Variants in EP300 observed in about 807,000 individuals in gnomAD.
EP300 encodes EP300 lysine acetyltransferase, also known as histone acetyltransferase p300.
Under a neutral mutation model 264.0 loss-of-function variants are expected in EP300, and 31 were observed. The observed-to-expected ratio is 0.12, with a 90% CI of 0.09 to 0.16. The LOEUF is 0.16. Among genes scored for constraint, EP300 ranks in the 10% least tolerant of loss-of-function variants. The pLI is 1.00. For missense variants in EP300, 2,766 were observed against 3,052.9 expected (o/e 0.91, Z 2.21); for synonymous variants, 1,340 against 1,045.4 (o/e 1.28, Z -5.44).
intron 8 of EP300, among the ~76,000 whole-genome samples, chr22:41,138,868 A>G (rs974467123): frequency 3.9e-5 from 6 of 152,158 alleles, no homozygotes; most frequent in Non-Finnish European, 7.4e-5. Flanking sequence ...TCAAACTACC[A>G]ATTATATACG....
chr22:41,114,397 G>A (rs2058810259), intron 1 of EP300, among the ~76,000 whole-genome samples: 1 of 152,118 alleles, frequency 6.6e-6, no homozygotes, highest in South Asian at 2.1e-4. Flanking sequence ...TGCCCAGGCT[G>A]GTCTGCTGAG....
rs568729546 is a variant in EP300, at chr22:41,129,221, C to T, written c.1169-669C>T. ...AGAGACGGGGTTTCACTGTGTTAGC[C>T]AGGATGGTCTCTATCTCCTGACCTC... On this transcript the variant is annotated intron_variant, in intron 4 of 30. Coordinates refer to ENST00000263253, the MANE Select transcript of EP300 (RefSeq NM_001429.4). Among the ~76,000 whole-genome samples the T allele has an allele frequency of 4.1e-4, 63 of 152,064 alleles. No individual in the cohort carries two copies. In the South Asian group the frequency reaches 0.013, roughly 31 times the overall value.
intron 26 of EP300, 113 bp downstream of exon 26, chr22:41,169,729 C>A (rs2059159477): frequency 7.2e-6 from 5 of 697,674 alleles, no homozygotes; most frequent in Non-Finnish European, 1.3e-5. Context: ...CATTTTAGTT[C>A]TTACGTAACA....
At position 41,176,189 on chromosome 22, in the gene EP300, C is replaced by T. The variant is rs1484105008; in HGVS notation, c.4780-58C>T. ...GAGCCAAGATCACGCCACTGCATTCCAGCCTGGATGACAGAGCGAGGCCCT... is the reference window on the plus strand; with the variant it reads ...GAGCCAAGATCACGCCACTGCATTCTAGCCTGGATGACAGAGCGAGGCCCT... On this transcript the variant is annotated intron_variant, in intron 29 of 30. Coordinates refer to ENST00000263253, the MANE Select transcript of EP300 (RefSeq NM_001429.4). 1.9e-6 allele frequency: 3 copies of T among 1,603,272 alleles called. No homozygotes were observed. The Admixed American group carries it at 5.0e-5, about 27-fold the overall frequency.
At chr22:41,168,630 G>A (rs757111228) in intron 24 of EP300, 31 bp downstream of exon 24, 59 of 1,614,034 alleles carry the variant, frequency 3.7e-5, no homozygotes, top group East Asian at 1.6e-4. Context: ...TCTTCTCCTC[G>A]TGGATCCAAA....
In EP300 at chr22:41,131,536, A is replaced by C; in HGVS notation, c.1431A>C (p.Val477=). 1 of 1,614,080 alleles carries C rather than the reference A, an allele frequency of 6.2e-7. No homozygotes were observed. The highest frequency in any genetic ancestry group is 8.5e-7 in the Non-Finnish European group (1 of 1,180,020). ...AYAALGLPYQ[V]NQMPTQPQVQ... is the part of the protein sequence containing the mutation. Reference sequence around the variant, plus strand: ...CAGCTCTTGGACTACCCTATCAAGTAAATCAGATGCCGACACAACCCCAGG... The same window carrying C: ...CAGCTCTTGGACTACCCTATCAAGTCAATCAGATGCCGACACAACCCCAGG... The change falls in exon 6 of 31, where the codon GTA becomes GTC. Residue 477 remains valine (V), a synonymous_variant. Coordinates refer to ENST00000263253, the MANE Select transcript of EP300 (RefSeq NM_001429.4).
At chr22:41,148,011 C>A (rs1418483600) in intron 12 of EP300, 65 bp downstream of exon 12, 5 of 1,120,720 alleles carry the variant, frequency 4.5e-6, no homozygotes, top group Non-Finnish European at 6.5e-6. Flanking sequence ...CCTGTTTGTT[C>A]CTACTTTATA....
At chr22:41,127,853 T>G (rs1601604902) in intron 4 of EP300, 105 bp downstream of exon 4, 14 of 1,405,372 alleles carry the variant, frequency 1.0e-5, no homozygotes, top group South Asian at 4.8e-5. Context: ...GTTTAATACC[T>G]TAATTGTGGT....
intron 27 of EP300, 43 bp downstream of exon 27, chr22:41,170,614 A>G (rs2145767109): frequency 6.5e-7 from 1 of 1,549,844 alleles, no homozygotes; most frequent in Non-Finnish European, 8.9e-7. Flanking sequence ...ATAGATCTGG[A>G]AATGCACTAA....
chr22:41,164,418 G>A (rs2059124021), intron 22 of EP300, among the ~76,000 whole-genome samples: 1 of 152,018 alleles, frequency 6.6e-6, no homozygotes, highest in Non-Finnish European at 1.5e-5. Context: ...CACATCAAAA[G>A]TAAATATTTA....
intron 2 of EP300, among the ~76,000 whole-genome samples, chr22:41,122,247 C>T (rs912558403): frequency 1.4e-5 from 2 of 145,460 alleles, no homozygotes; most frequent in Non-Finnish European, 1.5e-5. Flanking sequence ...CTCATTGCAA[C>T]CTCTGCCTCC....
chr22:41,151,302 C>G (rs949661367), intron 14 of EP300, among the ~76,000 whole-genome samples: 2 of 152,048 alleles, frequency 1.3e-5, no homozygotes, highest in Non-Finnish European at 2.9e-5. Context: ...AAGGATACTT[C>G]CAGAAAATAC....
chr22:41,166,460 TTGTGTA>T (rs1195081882), intron 22 of EP300, 133 bp from the exon 23 acceptor site: 6 of 655,304 alleles, frequency 9.2e-6, no homozygotes, highest in African/African-American at 1.8e-5. Context: ...TAAAAGCTCT[TTGTGTA>T]TTAGTTTTAT....
chr22:41,129,524 A>C (rs1035248589), intron 4 of EP300, among the ~76,000 whole-genome samples: 3 of 152,222 alleles, frequency 2.0e-5, no homozygotes, highest in Admixed American at 6.5e-5. Flanking sequence ...GATCTAATAC[A>C]ATTTGTATGA....
At chr22:41,108,997 G>A (rs1327918295) in intron 1 of EP300, among the ~76,000 whole-genome samples, 1 of 152,134 alleles carries the variant, frequency 6.6e-6, no homozygotes, top group Non-Finnish European at 1.5e-5. Context: ...CTGGCCCAGC[G>A]CCGTGGCACA....
intron 3 of EP300, among the ~76,000 whole-genome samples, chr22:41,127,019 C>T (rs1415911386): frequency 1.3e-5 from 2 of 152,122 alleles, no homozygotes; most frequent in African/African-American, 4.8e-5. Context: ...GCTAGGGTTA[C>T]AGGCGTGAGC....
intron 6 of EP300, among the ~76,000 whole-genome samples, chr22:41,131,854 T>G (rs1480457522): frequency 6.6e-6 from 1 of 152,160 alleles, no homozygotes; most frequent in Non-Finnish European, 1.5e-5. Flanking sequence ...TGAGTTCAGA[T>G]TTGCAGAAAT....
intron 1 of EP300, among the ~76,000 whole-genome samples, chr22:41,116,901 A>G (rs1290137619): frequency 2.0e-5 from 3 of 152,136 alleles, no homozygotes; most frequent in Non-Finnish European, 4.4e-5. Flanking sequence ...CTCTACTAAA[A>G]ATACAAAATT....
rs561300645 is a variant in EP300, at chr22:41,139,174, G to A, written c.1761-966G>A. Among the ~76,000 whole-genome samples the A allele has an allele frequency of 3.9e-5, 6 of 152,158 alleles. No homozygotes were observed. In the South Asian group the frequency reaches 1.2e-3, roughly 32 times the overall value. The stretch of plus-strand genomic sequence containing the variant: ...TCGCCGTGTTGGCCAGGCTGGTCTC[G>A]AACTCCTGACCTCAGGTGATCCACC... On this transcript the variant is annotated intron_variant, in intron 8 of 30. Transcript: ENST00000263253.
Sources: gnomAD v4.1 joint callset for allele counts (sites outside exome capture counted in the v4.1 genomes callset) on GRCh38, gnomAD v4.1.1 for gene constraint, MANE v1.5 for transcripts, NCBI Gene and HGNC (gene_info 2026-07-23, HGNC 2026-07-21) for gene names.